The following PTPRK variants were observed in gnomAD, a reference collection of about 807,000 sequenced individuals.
The protein encoded by PTPRK is protein tyrosine phosphatase receptor type K.
PTPRK carries 75 observed loss-of-function variants against 178.0 expected under a neutral mutation model. The observed-to-expected ratio is 0.42, with a 90% CI of 0.35 to 0.51. The LOEUF is 0.51. Ranked by LOEUF, PTPRK falls within the 20% of genes least tolerant of loss-of-function variation. The pLI is 0.02. For synonymous variants in PTPRK, 637 were observed against 620.6 expected (o/e 1.03, Z -0.39); for missense variants, 1,441 against 1,797.8 (o/e 0.80, Z 3.59).
chr6:128,309,453 A>C (rs1018983260), intron 3 of PTPRK, among the ~76,000 whole-genome samples: 1 of 152,144 alleles, frequency 6.6e-6, no homozygotes, highest in Non-Finnish European at 1.5e-5. Context: ...AAATCATTAC[A>C]GACCAGATGC....
intron 1 of PTPRK, among the ~76,000 whole-genome samples, chr6:128,443,438 A>G (rs1489930053): frequency 6.6e-6 from 1 of 152,038 alleles, no homozygotes; most frequent in Non-Finnish European, 1.5e-5. Flanking sequence ...AGGAGGAGGA[A>G]CAAAGTGGGA....
chr6:128,468,325 T>G (rs1488491627), intron 1 of PTPRK, among the ~76,000 whole-genome samples: 2 of 152,154 alleles, frequency 1.3e-5, no homozygotes, highest in Admixed American at 1.3e-4. Context: ...ACACACAATC[T>G]TAGACCAAAT....
intron 18 of PTPRK, among the ~76,000 whole-genome samples, chr6:127,993,450 G>A (rs975444628): frequency 2.0e-5 from 3 of 151,494 alleles, no homozygotes; most frequent in African/African-American, 7.3e-5. Flanking sequence ...CAAAGCATAA[G>A]TTGTAAAAAT....
chr6:128,470,747 C>T (rs1445464544), intron 1 of PTPRK, among the ~76,000 whole-genome samples: 1 of 127,906 alleles, frequency 7.8e-6, no homozygotes, highest in Non-Finnish European at 1.6e-5. Context: ...CAATATCTCT[C>T]TCTTTTTTTT....
chr6:128,409,688 T>C lies in PTPRK; in HGVS notation c.101-12000A>G, dbSNP rs550351977. 1.7e-3 allele frequency among the ~76,000 whole-genome samples: 259 copies of C among 152,268 alleles called. 3 individuals carry two copies. Among genetic ancestry groups the C allele is most frequent in the Non-Finnish European group, 3.1e-3 (210 of 68,008 alleles). On this transcript the variant is annotated intron_variant, in intron 1 of 29. Coordinates refer to ENST00000368226, the MANE Select transcript of PTPRK (RefSeq NM_002844.4). ...AAATCTCATTTTGAATTCCCAGGTG[T>C]TGTGGGAGGGGGCCGATGGGAGGTA...
At chr6:128,202,882 G>A (rs956023787) in intron 6 of PTPRK, among the ~76,000 whole-genome samples, 1 of 152,124 alleles carries the variant, frequency 6.6e-6, no homozygotes, top group African/African-American at 2.4e-5. Flanking sequence ...AAGAAGGCGG[G>A]ATTCTTCCCT....
chr6:128,465,609 A>G (rs1849748055), intron 1 of PTPRK, among the ~76,000 whole-genome samples: 1 of 152,212 alleles, frequency 6.6e-6, no homozygotes, highest in Non-Finnish European at 1.5e-5. Flanking sequence ...CCAGAACAAA[A>G]TGAAAATGCA....
intron 7 of PTPRK, among the ~76,000 whole-genome samples, chr6:128,133,272 G>A (rs529299400): frequency 5.9e-5 from 9 of 151,966 alleles, no homozygotes; most frequent in Admixed American, 1.3e-4. Context: ...GGATATCTAC[G>A]GTTTATTTCA....
At chr6:128,242,126 A>C (rs1402258198) in intron 4 of PTPRK, among the ~76,000 whole-genome samples, 3 of 152,010 alleles carry the variant, frequency 2.0e-5, no homozygotes, top group Non-Finnish European at 4.4e-5. Flanking sequence ...CCCAGCCCTC[A>C]ACTCAGATCA....
At chr6:128,220,621 C>G (rs1415176253) in intron 5 of PTPRK, among the ~76,000 whole-genome samples, 1 of 152,042 alleles carries the variant, frequency 6.6e-6, no homozygotes, top group Non-Finnish European at 1.5e-5. Flanking sequence ...ATGCATAAAC[C>G]TCAGGACCCG....
At chr6:128,324,088 C>A (rs1005511797) in intron 2 of PTPRK, among the ~76,000 whole-genome samples, 3 of 152,052 alleles carry the variant, frequency 2.0e-5, no homozygotes, top group African/African-American at 7.2e-5. Context: ...GAGGACCAGC[C>A]CTGAGATCTT....
At chr6:128,473,021 T>C (rs963982991) in intron 1 of PTPRK, among the ~76,000 whole-genome samples, 1 of 152,116 alleles carries the variant, frequency 6.6e-6, no homozygotes, top group Non-Finnish European at 1.5e-5. Flanking sequence ...TAATTCACAG[T>C]CCATATTCAA....
chr6:128,130,054 TAG>T (rs1314802877), intron 7 of PTPRK, among the ~76,000 whole-genome samples: 1 of 152,146 alleles, frequency 6.6e-6, no homozygotes, highest in African/African-American at 2.4e-5. Flanking sequence ...ATAATACAGT[TAG>T]AGTTATGATA....
At chr6:128,167,418 A>G (rs1303456847) in intron 7 of PTPRK, among the ~76,000 whole-genome samples, 1 of 151,946 alleles carries the variant, frequency 6.6e-6, no homozygotes, top group Non-Finnish European at 1.5e-5. Flanking sequence ...AATGTATAAA[A>G]TTGTTTTCTT....
At chr6:128,241,340 A>T (rs1236254607) in intron 4 of PTPRK, 2 of 531,708 alleles carry the variant, frequency 3.8e-6, no homozygotes, top group Non-Finnish European at 7.7e-6. Context: ...CAGAAATGCA[A>T]ATTGTCAGGC....
At chr6:128,286,518 T>C (rs1399235597) in intron 3 of PTPRK, among the ~76,000 whole-genome samples, 1 of 152,162 alleles carries the variant, frequency 6.6e-6, no homozygotes, top group African/African-American at 2.4e-5. Flanking sequence ...CTTCCATTTC[T>C]CTCCTTATTA....
chr6:128,028,398 C>G (rs1047874141), intron 13 of PTPRK, among the ~76,000 whole-genome samples: 1 of 152,140 alleles, frequency 6.6e-6, no homozygotes, highest in Non-Finnish European at 1.5e-5. Context: ...TAGCTGCCAC[C>G]CTGCCCTCAA....
intron 7 of PTPRK, among the ~76,000 whole-genome samples, chr6:128,108,813 G>A (rs1790150964): frequency 6.6e-6 from 1 of 152,204 alleles, no homozygotes; most frequent in African/African-American, 2.4e-5. Context: ...AGGTTCTGAT[G>A]AGGTACCTCT....
rs183936351 is a variant in PTPRK at position 128,233,497 on chromosome 6, T to A, written c.693+6538A>T. On this transcript the variant is annotated intron_variant, in intron 5 of 29. Transcript: ENST00000368226. ...AGGGGGTCAGCCTCGCTCTGGTTGT[T>A]TTTGAGAGCAATTTGCATCTCATTT... 7.5e-4 allele frequency among the ~76,000 whole-genome samples: 114 copies of A among 152,318 alleles called. 2 individuals carry two copies. The highest frequency in any genetic ancestry group is 2.4e-4 in the Non-Finnish European group (16 of 68,032).
Sources: allele counts gnomAD v4.1 joint callset (sites outside exome capture counted in the v4.1 genomes callset), GRCh38; gene constraint gnomAD v4.1.1; transcripts MANE v1.5; gene names NCBI Gene and HGNC (gene_info 2026-07-23, HGNC 2026-07-21).